Variants in ATXN7L1 observed in about 807,000 individuals in gnomAD.
ATXN7L1 encodes the protein ataxin-7-like protein 1.
In ATXN7L1, 15 loss-of-function variants were observed where a neutral mutation model predicts 70.8. The ratio of observed to expected loss-of-function variants is 0.21; its 90% confidence interval spans 0.14 to 0.33. The LOEUF is 0.33. Ranked by LOEUF, ATXN7L1 falls within the 10% of genes least tolerant of loss-of-function variation. The pLI is 1.00. For synonymous variants in ATXN7L1, 440 were observed against 445.1 expected, an observed-to-expected ratio of 0.99 and a Z score of 0.14; for missense variants, 975 against 1,097.1, an observed-to-expected ratio of 0.89 and a Z score of 1.57.
At chr7:105,729,305 A>G (rs7798026) in intron 3 of ATXN7L1, among the ~76,000 whole-genome samples, 1,452 of 36,084 alleles carry the variant, frequency 0.04, 7 homozygotes, top group East Asian at 0.15. Context: ...ATGAATGAAT[A>G]AATAAATAAA....
At chr7:105,739,799 T>C (rs1158583885) in intron 3 of ATXN7L1, among the ~76,000 whole-genome samples, 2 of 152,200 alleles carry the variant, frequency 1.3e-5, no homozygotes, top group Non-Finnish European at 2.9e-5. Flanking sequence ...CGCCTGGCCC[T>C]GGTATTGGGG....
intron 3 of ATXN7L1, 21 bp from the exon 4 acceptor site, chr7:105,665,309 G>C: frequency 6.5e-7 from 1 of 1,532,084 alleles, no homozygotes. Flanking sequence ...AGAAAGTAGA[G>C]AACTCAGCAC....
intron 4 of ATXN7L1, among the ~76,000 whole-genome samples, chr7:105,643,596 G>A (rs1328081415): frequency 6.6e-6 from 1 of 152,244 alleles, no homozygotes; most frequent in Non-Finnish European, 1.5e-5. Flanking sequence ...TAGCTCCGGA[G>A]TGCTGACAGG....
At chr7:105,621,276 C>A (rs1794892813) in intron 8 of ATXN7L1, among the ~76,000 whole-genome samples, 1 of 152,206 alleles carries the variant, frequency 6.6e-6, no homozygotes, top group Admixed American at 6.5e-5. Flanking sequence ...GTTCCCTTAT[C>A]AAGACTCTCA....
intron 8 of ATXN7L1, among the ~76,000 whole-genome samples, chr7:105,623,823 AT>A (rs540743760): frequency 6.6e-6 from 1 of 152,198 alleles, no homozygotes; most frequent in East Asian, 1.9e-4. Context: ...GGGATTATCC[AT>A]TTTTTCCCCT....
chr7:105,723,647 A>G (rs1397529677), intron 3 of ATXN7L1, among the ~76,000 whole-genome samples: 3 of 152,162 alleles, frequency 2.0e-5, no homozygotes, highest in Non-Finnish European at 4.4e-5. Flanking sequence ...ACTTTGTGTC[A>G]AAGCCCATGT....
chr7:105,753,794 T>A (rs1799472070), intron 3 of ATXN7L1, among the ~76,000 whole-genome samples: 1 of 152,220 alleles, frequency 6.6e-6, no homozygotes, highest in Non-Finnish European at 1.5e-5. Flanking sequence ...TGCTCTATGT[T>A]TATTGGTATG....
At chr7:105,728,825 A>T (rs1322152745) in intron 3 of ATXN7L1, among the ~76,000 whole-genome samples, 1 of 152,222 alleles carries the variant, frequency 6.6e-6, no homozygotes, top group Non-Finnish European at 1.5e-5. Flanking sequence ...ATAGGTGTGT[A>T]TCAAAGGGAC....
chr7:105,701,548 GA>G (rs1792457530), intron 3 of ATXN7L1, among the ~76,000 whole-genome samples: 1 of 151,882 alleles, frequency 6.6e-6, no homozygotes, highest in Non-Finnish European at 1.5e-5. Flanking sequence ...TTTTAACTTT[GA>G]AAAAAATAAA....
chr7:105,641,841 A>AT (rs746243985), intron 5 of ATXN7L1, among the ~76,000 whole-genome samples: 1 of 152,228 alleles, frequency 6.6e-6, no homozygotes, highest in Non-Finnish European at 1.5e-5. Context: ...GGCTTGAGGG[A>AT]TTTTTCAGAC....
intron 3 of ATXN7L1, among the ~76,000 whole-genome samples, chr7:105,780,434 GA>G (rs1164320170): frequency 6.6e-6 from 1 of 152,014 alleles, no homozygotes; most frequent in Non-Finnish European, 1.5e-5. Context: ...ACAGCTACTT[GA>G]AGGGCATTCA....
At chr7:105,628,034 G>A (rs1029232850) in intron 7 of ATXN7L1, among the ~76,000 whole-genome samples, 13 of 151,646 alleles carry the variant, frequency 8.6e-5, no homozygotes, top group East Asian at 3.9e-4. Flanking sequence ...TAGTAGAGAC[G>A]GGGTTTCAGC....
chr7:105,781,917 G>A (rs1463337595), intron 3 of ATXN7L1, among the ~76,000 whole-genome samples: 1 of 152,112 alleles, frequency 6.6e-6, no homozygotes, highest in Non-Finnish European at 1.5e-5. Flanking sequence ...TCAGCTCACT[G>A]CACCCTCCAC....
intron 2 of ATXN7L1, among the ~76,000 whole-genome samples, chr7:105,790,634 CT>C (rs1279344079): frequency 7.3e-5 from 11 of 150,822 alleles, no homozygotes; most frequent in South Asian, 2.1e-4. Flanking sequence ...ATCTATCTAT[CT>C]ATCTATCTAT....
chr7:105,651,440 C>A (rs1799816044), intron 4 of ATXN7L1, among the ~76,000 whole-genome samples: 1 of 152,124 alleles, frequency 6.6e-6, no homozygotes, highest in African/African-American at 2.4e-5. Flanking sequence ...ATGTGGGGTG[C>A]AAATCATGGT....
chr7:105,874,963 A>T (rs1317746878), intron 2 of ATXN7L1: 1 of 152,210 alleles, frequency 6.6e-6, no homozygotes, highest in Non-Finnish European at 1.5e-5. Context: ...ATTTCAGCCA[A>T]TTATGTTTAT....
intron 2 of ATXN7L1, among the ~76,000 whole-genome samples, chr7:105,857,930 G>A (rs556827248): frequency 6.6e-6 from 1 of 151,834 alleles, no homozygotes; most frequent in South Asian, 2.1e-4. Context: ...TAGGCTACAG[G>A]GGGAAAAAAA....
Position 105,876,568 on chromosome 7 carries a change from G to A in ATXN7L1, c.-10C>T, listed in dbSNP as rs756034276. The A allele has an allele frequency of 1.1e-5, 15 of 1,358,464 alleles. No individual in the cohort carries two copies. In the East Asian group the frequency reaches 5.1e-4, roughly 46 times the overall value. The allele number at this position is 1,358,464 out of a possible 1,614,324, so 84.2% of individuals were successfully genotyped here. On this transcript the variant is annotated 5_prime_UTR_variant, in exon 1 of 12. In the 5' UTR this introduces an upstream ATG that the reference lacks. Coordinates refer to ENST00000419735, the MANE Select transcript of ATXN7L1 (RefSeq NM_020725.2). ...AACGCTCCGACGTCATCTTCGGAACGTTCCGACATTGAGTGTTCTGAAAGG... is the reference window on the plus strand; with the variant it reads ...AACGCTCCGACGTCATCTTCGGAACATTCCGACATTGAGTGTTCTGAAAGG...
intron 3 of ATXN7L1, among the ~76,000 whole-genome samples, chr7:105,745,889 G>A (rs1160370364): frequency 2.6e-5 from 4 of 152,144 alleles, no homozygotes; most frequent in Non-Finnish European, 5.9e-5. Flanking sequence ...CTCCACCTGA[G>A]GTCCACACTC....
Sources: allele counts gnomAD v4.1 joint callset (sites outside exome capture counted in the v4.1 genomes callset), GRCh38; gene constraint gnomAD v4.1.1; transcripts MANE v1.5; gene names NCBI Gene and HGNC (gene_info 2026-07-23, HGNC 2026-07-21).